Variants in DAW1 observed in about 807,000 individuals in gnomAD.
DAW1 encodes the protein dynein assembly factor with WD repeat domains 1.
DAW1 carries 47 observed loss-of-function variants against 56.5 expected under a neutral mutation model. That is an observed-to-expected ratio of 0.83 (90% CI 0.66 to 1.06). DAW1 has a LOEUF of 1.06. Among genes scored for constraint, DAW1 ranks in the 50% least tolerant of loss-of-function variants. The pLI, the probability that DAW1 is intolerant of heterozygous loss-of-function variation, is 0.00. For synonymous variants in DAW1, 190 were observed against 179.0 expected (o/e 1.06, Z -0.49); for missense variants, 505 against 499.3 (o/e 1.01, Z -0.11).
At chr2:227,912,779 G>A (rs1222439971) in intron 10 of DAW1, among the ~76,000 whole-genome samples, 1 of 152,134 alleles carries the variant, frequency 6.6e-6, no homozygotes, top group Non-Finnish European at 1.5e-5. Flanking sequence ...GCTGCCATGT[G>A]TCTGCAATGA....
intron 1 of DAW1, among the ~76,000 whole-genome samples, chr2:227,881,309 A>C (rs1691003659): frequency 6.6e-6 from 1 of 152,194 alleles, no homozygotes; most frequent in Non-Finnish European, 1.5e-5. Flanking sequence ...CTGATAGAGA[A>C]ATGGAATTCA....
intron 5 of DAW1, among the ~76,000 whole-genome samples, chr2:227,896,955 A>G (rs1035427007): frequency 6.6e-6 from 1 of 151,920 alleles, no homozygotes; most frequent in African/African-American, 2.4e-5. Context: ...GCATGGTGAC[A>G]TGTGCCTGTA....
chr2:227,909,961 C>T (rs527578917), intron 10 of DAW1, among the ~76,000 whole-genome samples: 2 of 152,260 alleles, frequency 1.3e-5, no homozygotes, highest in African/African-American at 2.4e-5. Context: ...ATCACAATGC[C>T]GCACTGTGTG....
chr2:227,876,734 A>G (rs1690893158), intron 1 of DAW1, among the ~76,000 whole-genome samples: 2 of 152,238 alleles, frequency 1.3e-5, no homozygotes, highest in South Asian at 2.1e-4. Context: ...TGCCAGTGAC[A>G]TGGCTAACCA....
intron 1 of DAW1, among the ~76,000 whole-genome samples, chr2:227,881,285 A>G (rs1253779759): frequency 6.6e-6 from 1 of 152,212 alleles, no homozygotes; most frequent in Non-Finnish European, 1.5e-5. Context: ...GATACTAGGT[A>G]ACGGCAGGCA....
Position 227,885,401 on chromosome 2 carries a change from G to A in DAW1, c.91G>A (p.Asp31Asn), listed in dbSNP as rs1483819354. The change falls in exon 2 of 13, where the codon GAT becomes AAT. Residue 31 changes from aspartate to asparagine, a missense_variant. Coordinates refer to ENST00000309931, the MANE Select transcript of DAW1 (RefSeq NM_178821.3). Reference sequence around the variant, plus strand: ...TGGAGAATTAAAGACTAAGTCCATAGATTTGCTTGATCTTGGTCCCAGGTA... The same window carrying A: ...TGGAGAATTAAAGACTAAGTCCATAAATTTGCTTGATCTTGGTCCCAGGTA... ...KHGELKTKSI[D>N]LLDLGPSTDV... 1 of 1,603,254 alleles carries A rather than the reference G, an allele frequency of 6.2e-7. No individual in the cohort carries two copies. Among genetic ancestry groups the A allele is most frequent in the Non-Finnish European group, 8.5e-7 (1 of 1,176,242 alleles).
At chr2:227,918,171 T>TCCATCCATCATCCATC (rs376323426) in intron 10 of DAW1, among the ~76,000 whole-genome samples, 1 of 124,116 alleles carries the variant, frequency 8.1e-6, no homozygotes, top group Non-Finnish European at 1.7e-5. Flanking sequence ...CATCCATCCA[T>TCCATCCATCATCCATC]CATCCATCCA....
chr2:227,871,962 T>C (rs910832837), intron 1 of DAW1, among the ~76,000 whole-genome samples: 1 of 152,240 alleles, frequency 6.6e-6, no homozygotes, highest in Non-Finnish European at 1.5e-5. Context: ...ACTGTGCATG[T>C]CAGTCTGTCT....
chr2:227,880,662 C>G (rs1690990123), intron 1 of DAW1, among the ~76,000 whole-genome samples: 1 of 152,178 alleles, frequency 6.6e-6, no homozygotes, highest in Admixed American at 6.5e-5. Context: ...CATTACGCAA[C>G]AGCTGCTTAG....
intron 2 of DAW1, among the ~76,000 whole-genome samples, chr2:227,887,053 T>C (rs534414536): frequency 6.6e-6 from 1 of 152,234 alleles, no homozygotes; most frequent in South Asian, 2.1e-4. Context: ...AATCCTGGAG[T>C]TGCTGCCACT....
At chr2:227,908,112 C>A (rs997985556) in intron 10 of DAW1, among the ~76,000 whole-genome samples, 5 of 152,202 alleles carry the variant, frequency 3.3e-5, no homozygotes, top group Admixed American at 3.3e-4. Context: ...TGTGACACTA[C>A]ACTATATCTG....
chr2:227,907,727 T>C (rs1046163490), intron 10 of DAW1, among the ~76,000 whole-genome samples: 14 of 152,138 alleles, frequency 9.2e-5, no homozygotes, highest in Admixed American at 9.2e-4. Context: ...TTTGTATTTT[T>C]AGTAGAGACG....
rs1380893033 is a variant in DAW1, at chr2:227,871,680, G to A, written c.-10G>A. The A allele has an allele frequency of 1.9e-6, 3 of 1,613,480 alleles. No individual in the cohort carries two copies. Among genetic ancestry groups the A allele is most frequent in the African/African-American group, 1.3e-5 (1 of 75,062 alleles). ...CGAAGCCCATCGGCCGGGGATAAGA[G>A]AGCAAGAAAATGAAGCTCAAGAGCC... On this transcript the variant is annotated 5_prime_UTR_variant, in exon 1 of 13. Coordinates refer to ENST00000309931, the MANE Select transcript of DAW1 (RefSeq NM_178821.3).
At chr2:227,886,941 TG>T (rs1691146021) in intron 2 of DAW1, among the ~76,000 whole-genome samples, 1 of 152,258 alleles carries the variant, frequency 6.6e-6, no homozygotes, top group African/African-American at 2.4e-5. Context: ...TTTAGGTTTG[TG>T]GCCTGAGACC....
intron 10 of DAW1, among the ~76,000 whole-genome samples, chr2:227,914,173 T>A (rs1430587376): frequency 6.6e-6 from 1 of 152,120 alleles, no homozygotes. Context: ...CACCACCTCC[T>A]TGATAAACAA....
chr2:227,903,148 A>G, intron 7 of DAW1, 39 bp downstream of exon 7: 1 of 1,595,190 alleles, frequency 6.3e-7, no homozygotes, highest in Non-Finnish European at 8.6e-7. Context: ...ATTTGTGTTC[A>G]TTCTTATTTG....
At chr2:227,888,417 C>T (rs1306004109) in intron 2 of DAW1, among the ~76,000 whole-genome samples, 1 of 152,216 alleles carries the variant, frequency 6.6e-6, no homozygotes, top group Non-Finnish European at 1.5e-5. Context: ...GCGGGAGGAG[C>T]CATCTGACCT....
intron 7 of DAW1, 110 bp from the exon 8 acceptor site, chr2:227,904,819 G>T: frequency 2.0e-6 from 2 of 1,008,596 alleles, no homozygotes; most frequent in Non-Finnish European, 1.4e-6. Context: ...GCTGACCTCC[G>T]TTCCTAGAGC....
At chr2:227,898,154 A>G in intron 5 of DAW1, 28 bp from the exon 6 acceptor site, 1 of 1,472,182 alleles carries the variant, frequency 6.8e-7, no homozygotes, top group African/African-American at 1.4e-5. Flanking sequence ...TCTTTTTTTA[A>G]ATAATCTACA....
Sources: allele counts gnomAD v4.1 joint callset (sites outside exome capture counted in the v4.1 genomes callset), GRCh38; gene constraint gnomAD v4.1.1; transcripts MANE v1.5; gene names NCBI Gene and HGNC (gene_info 2026-07-23, HGNC 2026-07-21).